SBK1: variants seen among roughly 807,000 people sequenced by gnomAD.
The protein encoded by SBK1 is SH3 domain binding kinase 1.
Under a neutral mutation model 24.4 loss-of-function variants are expected in SBK1, and 11 were observed. That is an observed-to-expected ratio of 0.45 (90% CI 0.28 to 0.75). The LOEUF is 0.75. Ranked by LOEUF, SBK1 falls within the 30% of genes least tolerant of loss-of-function variation. The pLI is 0.12. For missense variants in SBK1, 467 were observed against 620.5 expected (o/e 0.75, Z 2.63); for synonymous variants, 308 against 284.4 (o/e 1.08, Z -0.83).
chr16:28,321,174 C>A lies in SBK1; in HGVS notation c.*253C>A. ...CGCACAGACCCGAGAATTCGGAGGC[C>A]ACCACACAACACACACACACACACA... On this transcript the variant is annotated 3_prime_UTR_variant, in exon 4 of 4. Transcript: ENST00000341901. 6.9e-6 allele frequency: 2 copies of A among 290,494 alleles called. No individual in the cohort carries two copies. The highest frequency in any genetic ancestry group is 5.6e-5 in the South Asian group (1 of 17,990). 18.0% of individuals were successfully genotyped at this position (290,494 alleles called of 1,614,324 possible).
chr16:28,271,290 C>G (rs1158358874), intron 1 of SBK1, among the ~76,000 whole-genome samples: 2 of 152,120 alleles, frequency 1.3e-5, no homozygotes, highest in Non-Finnish European at 2.9e-5. Flanking sequence ...GGAGTAGTGG[C>G]TCACACCTGT....
In SBK1 at chr16:28,317,143, G is replaced by A. The variant is rs984842490; in HGVS notation, c.-7-242G>A. ...TGTGGGTGGCAGCATGAGGCAGAGG[G>A]GCTGGTGCCACCAAGCGCAGGGTCT... is the stretch of plus-strand genomic sequence containing the variant. On this transcript the variant is annotated intron_variant, in intron 1 of 3. Transcript: ENST00000341901. This position sits in a 1 kb window ranked among gnomAD's most constrained non-coding sequence, Gnocchi z 4.2. 6.6e-6 allele frequency among the ~76,000 whole-genome samples: 1 copy of A among 152,224 alleles called. No homozygotes were observed. Among genetic ancestry groups the A allele is most frequent in the Non-Finnish European group, 1.5e-5 (1 of 68,040 alleles).
intron 1 of SBK1, among the ~76,000 whole-genome samples, chr16:28,293,674 TCTAGTGAAGTCC>T (rs896533093): frequency 2.0e-5 from 3 of 151,732 alleles, no homozygotes; most frequent in Admixed American, 2.0e-4. Context: ...AAGCTGAGCT[TCTAGTGAAGTCC>T]CCCCGAGAGG....
rs377317167 is a variant in SBK1, at chr16:28,293,852, G to A, written c.-8+552G>A. ...ATCGCATCTTCCCTGTGACTCTGCTGCCCGACCCAGGCCACACTGGCGGTC... is the reference window on the plus strand; with the variant it reads ...ATCGCATCTTCCCTGTGACTCTGCTACCCGACCCAGGCCACACTGGCGGTC... On this transcript the variant is annotated intron_variant, in intron 1 of 3. Coordinates refer to ENST00000341901, the MANE Select transcript of SBK1 (RefSeq NM_001024401.3). Among the ~76,000 whole-genome samples, 9 of 152,268 alleles carry A rather than the reference G, an allele frequency of 5.9e-5. No individual in the cohort carries two copies. In the East Asian group the frequency reaches 7.7e-4, roughly 13 times the overall value.
intron 1 of SBK1, among the ~76,000 whole-genome samples, chr16:28,298,008 C>G (rs1352645712): frequency 1.3e-5 from 2 of 152,186 alleles, no homozygotes; most frequent in Non-Finnish European, 2.9e-5. Flanking sequence ...CCTATGCTTT[C>G]CACGTGAGGC....
At chr16:28,312,552 G>A (rs1271665891) in intron 1 of SBK1, among the ~76,000 whole-genome samples, 1 of 152,232 alleles carries the variant, frequency 6.6e-6, no homozygotes, top group Non-Finnish European at 1.5e-5. Flanking sequence ...CTAGAGTAGA[G>A]AGGAAGGGCA....
rs147931929 is a variant in SBK1, at chr16:28,293,928, A to G, written c.-8+628A>G. 6.3e-3 allele frequency among the ~76,000 whole-genome samples: 952 copies of G among 152,104 alleles called. 7 individuals are homozygous for G. Among genetic ancestry groups the G allele is most frequent in the Middle Eastern group, 0.014 (4 of 294 alleles). Reference sequence around the variant, plus strand: ...CCTGTGGGACAGGGAGGGAGTAAGTACCCCCCAAAGTGAGGCGCTAGTTTC... The same window carrying G: ...CCTGTGGGACAGGGAGGGAGTAAGTGCCCCCCAAAGTGAGGCGCTAGTTTC... On this transcript the variant is annotated intron_variant, in intron 1 of 3. Coordinates refer to ENST00000341901, the MANE Select transcript of SBK1 (RefSeq NM_001024401.3).
rs202044769 is a variant in SBK1 at position 28,293,589 on chromosome 16, G to A, written c.-8+289G>A. 4.9e-4 allele frequency among the ~76,000 whole-genome samples: 71 copies of A among 144,900 alleles called. No individual in the cohort carries two copies. The East Asian group carries it at 0.011, about 23-fold the overall frequency. The stretch of plus-strand genomic sequence containing the variant: ...TGGAGAGGGGGGAAGAGGGCGGAGA[G>A]TCCCCCCCCAAAAGCTGCGAGCCTG... On this transcript the variant is annotated intron_variant, in intron 1 of 3. Transcript: ENST00000341901.
intron 1 of SBK1, among the ~76,000 whole-genome samples, chr16:28,282,528 T>C (rs2044539572): frequency 6.6e-6 from 1 of 152,190 alleles, no homozygotes; most frequent in Non-Finnish European, 1.5e-5. Flanking sequence ...GTGCAGTGTC[T>C]CCCTCACTAG....
intron 1 of SBK1, among the ~76,000 whole-genome samples, chr16:28,262,683 C>A (rs563597393): frequency 6.6e-6 from 1 of 152,304 alleles, no homozygotes; most frequent in Admixed American, 6.5e-5. Flanking sequence ...CAAGAGACAG[C>A]CCCACAGAAA....
At chr16:28,302,334 A>G (rs923171025) in intron 1 of SBK1, among the ~76,000 whole-genome samples, 2 of 152,230 alleles carry the variant, frequency 1.3e-5, no homozygotes, top group Non-Finnish European at 2.9e-5. Flanking sequence ...CCACAAGTGA[A>G]CAGACTTCTG....
chr16:28,319,231 G>T lies in SBK1; in HGVS notation c.429+34G>T, dbSNP rs757982338. On this transcript the variant is annotated intron_variant, in intron 3 of 3. Coordinates refer to ENST00000341901, the MANE Select transcript of SBK1 (RefSeq NM_001024401.3). The surrounding 1 kb of genome is among the most constrained non-coding windows in gnomAD (Gnocchi z 4.0). ...GATGGTGGCATAGGGTGGGGAAAGG[G>T]TCTTCAGGGTCCCAGAGTGTGAGAG... The T allele has an allele frequency of 1.3e-6, 2 of 1,541,540 alleles. No individual in the cohort carries two copies. The highest frequency in any genetic ancestry group is 1.8e-6 in the Non-Finnish European group (2 of 1,114,436).
chr16:28,316,852 C>G, intron 1 of SBK1, among the ~76,000 whole-genome samples: 1 of 152,132 alleles, frequency 6.6e-6, no homozygotes, highest in East Asian at 1.9e-4. Context: ...GCACTCCAGC[C>G]TGGGTGACAG....
At chr16:28,310,479 C>T (rs1381999881) in intron 1 of SBK1, among the ~76,000 whole-genome samples, 2 of 152,170 alleles carry the variant, frequency 1.3e-5, no homozygotes, top group African/African-American at 2.4e-5. Context: ...TGGGAAAGCA[C>T]AAGAGTGAAA....
intron 1 of SBK1, among the ~76,000 whole-genome samples, chr16:28,303,507 CTTTTTTTT>C (rs143613970): frequency 1.2e-4 from 7 of 58,080 alleles, no homozygotes; most frequent in South Asian, 9.2e-4. Context: ...CTTTTCTTTT[CTTTTTTTT>C]TTTTTTTTTT....
intron 1 of SBK1, among the ~76,000 whole-genome samples, chr16:28,311,711 A>AG: frequency 6.6e-6 from 1 of 150,792 alleles, no homozygotes; most frequent in Admixed American, 6.6e-5. Context: ...AAAAAAAAAA[A>AG]GAATTAAAGT....
At chr16:28,267,897 C>A (rs2096190476) in intron 1 of SBK1, among the ~76,000 whole-genome samples, 1 of 152,208 alleles carries the variant, frequency 6.6e-6, no homozygotes, top group African/African-American at 2.4e-5. Context: ...CCTGTAATCC[C>A]AGCGCTTTGG....
Position 28,266,901 on chromosome 16 carries a change from C to T in SBK1, c.257+7399C>T, listed in dbSNP as rs527838896. ...GACTACAGACATGCGCCACACACCACGGCTAATTTTAAATTTTTTTTTTCA... is the reference window on the plus strand; with the variant it reads ...GACTACAGACATGCGCCACACACCATGGCTAATTTTAAATTTTTTTTTTCA... On this transcript the variant is annotated intron_variant, in intron 1 of 3. Coordinates refer to the SBK1 transcript ENST00000671413. Among the ~76,000 whole-genome samples, 69 of 151,674 alleles carry T rather than the reference C, an allele frequency of 4.5e-4. 1 individual carries two copies. The highest frequency in any genetic ancestry group is 3.4e-3 in the Middle Eastern group (1 of 294).
upstream of SBK1, among the ~76,000 whole-genome samples, chr16:28,287,612 A>G (rs1227490726): frequency 6.6e-6 from 1 of 152,186 alleles, no homozygotes; most frequent in Non-Finnish European, 1.5e-5. Flanking sequence ...AAAGGACTGC[A>G]CCATTGCAGG....
Sources: allele counts gnomAD v4.1 joint callset (sites outside exome capture counted in the v4.1 genomes callset), GRCh38; gene constraint gnomAD v4.1.1; non-coding constraint Gnocchi (gnomAD v3.1); transcripts MANE v1.5; gene names NCBI Gene and HGNC (gene_info 2026-07-23, HGNC 2026-07-21).